TRIM7: variants seen among roughly 807,000 people sequenced by gnomAD.
TRIM7 encodes the protein E3 ubiquitin-protein ligase TRIM7.
Under a neutral mutation model 37.9 loss-of-function variants are expected in TRIM7, and 32 were observed. The observed-to-expected ratio is 0.84, with a 90% CI of 0.64 to 1.13. The LOEUF (loss-of-function observed/expected upper bound fraction) is 1.13, where lower values mean the gene tolerates loss of function less well. TRIM7 is among the 50% of genes most tolerant of loss of function. TRIM7 has a pLI of 0.00. For synonymous variants in TRIM7, 351 were observed against 321.3 expected, an observed-to-expected ratio of 1.09 and a Z score of -0.99; for missense variants, 732 against 714.0, an observed-to-expected ratio of 1.03 and a Z score of -0.29.
At position 181,204,992 on chromosome 5, in the gene TRIM7, A is replaced by C; in HGVS notation, c.119T>G (p.Val40Gly). The change falls in exon 1 of 7, where the codon GTG (valine) becomes GGG (glycine). Residue 40 changes from valine (V) to glycine (G), a missense_variant. Physicochemically the swap from Val to Gly is moderately radical, Grantham distance 109 (BLOSUM62 -3). Transcript: ENST00000274773. ...GAAGCTGTGGCCGCACTCGACGGAC[A>C]CCGGCTCACGAAAGAGCTCTAGGCA... ...SICLELFREP[V>G]SVECGHSFCR... is the part of the protein sequence containing the mutation. 1 of 1,487,410 alleles carries C rather than the reference A, an allele frequency of 6.7e-7. No individual in the cohort carries two copies. Among genetic ancestry groups the C allele is most frequent in the South Asian group, 1.3e-5 (1 of 78,778 alleles). 92.1% of individuals were successfully genotyped at this position (1,487,410 alleles called of 1,614,324 possible). A position where few individuals can be genotyped will look rare whatever the true frequency, so the allele number is the denominator to read the frequency against.
Position 181,205,127 on chromosome 5 carries a change from C to T in TRIM7, c.-17G>A. 7.7e-7 allele frequency: 1 copy of T among 1,297,328 alleles called. No individual in the cohort carries two copies. Among genetic ancestry groups the T allele is most frequent in the Non-Finnish European group, 9.8e-7 (1 of 1,023,152 alleles). 80.4% of individuals were successfully genotyped at this position (1,297,328 alleles called of 1,614,324 possible). A position where few individuals can be genotyped will look rare whatever the true frequency, so the allele number is the denominator to read the frequency against. On this transcript the variant is annotated 5_prime_UTR_variant, in exon 1 of 7. The change creates a new upstream start codon in the 5' untranslated region. Coordinates refer to ENST00000274773, the MANE Select transcript of TRIM7 (RefSeq NM_203293.3). The stretch of plus-strand genomic sequence containing the variant: ...AGCCGCCATGCGCGCTCTCCGCGCA[C>T]CCAGATCTGGTCGCGCCTGGGCGGC...
chr5:181,195,769 C>T (rs1165205132), intron 6 of TRIM7, 92 bp from the exon 7 acceptor site: 23 of 1,456,100 alleles, frequency 1.6e-5, no homozygotes, highest in African/African-American at 2.9e-5. Flanking sequence ...TTGCAACCTG[C>T]CTGCCTTTCC....
In TRIM7 at chr5:181,199,086, G is replaced by A; in HGVS notation, c.872+9C>T. 1 of 1,614,234 alleles carries A rather than the reference G, an allele frequency of 6.2e-7. No homozygotes were observed. Among genetic ancestry groups the A allele is most frequent in the South Asian group, 1.1e-5 (1 of 91,084 alleles). Reference sequence around the variant, plus strand: ...TTAGAGAGGCCCCAGGAGCTGTGAGGTCACTCACCTGCTCAGCGTGCTTTT... The same window carrying A: ...TTAGAGAGGCCCCAGGAGCTGTGAGATCACTCACCTGCTCAGCGTGCTTTT... On this transcript the variant is annotated intron_variant, in intron 4 of 6. Transcript: ENST00000274773.
At chr5:181,200,967 C>T (rs987018762) in intron 2 of TRIM7, 2 of 976,668 alleles carry the variant, frequency 2.0e-6, no homozygotes, top group African/African-American at 1.8e-5. Flanking sequence ...ACTCCCTCAA[C>T]CCTGACGGCA....
rs768037758 is a variant in TRIM7, at chr5:181,198,809, C to T, written c.873-4G>A. On this transcript the variant is annotated splice_polypyrimidine_tract_variant and splice_region_variant and intron_variant, in intron 4 of 6. Transcript: ENST00000274773. ...GGGGCCAGGCACATTGCTACACCTG[C>T]AGGACAAGGGCTCTGAGAAGGGCCT... The T allele has an allele frequency of 1.3e-5, 21 of 1,606,890 alleles. 2 individuals are homozygous for T. In the South Asian group the frequency reaches 2.3e-4, roughly 18 times the overall value.
Position 181,204,768 on chromosome 5 carries a change from C to T in TRIM7, c.343G>A (p.Glu115Lys). 2 of 1,439,560 alleles carry T rather than the reference C, an allele frequency of 1.4e-6. No individual in the cohort carries two copies. Among genetic ancestry groups the T allele is most frequent in the East Asian group, 3.0e-5 (1 of 33,032 alleles). 89.2% of individuals were successfully genotyped at this position (1,439,560 alleles called of 1,614,324 possible). Residue 115 changes from glutamate to lysine, a missense_variant, in exon 1 of 7, where the codon GAG becomes AAG. By Grantham distance (56) the Glu-to-Lys change is moderately conservative (BLOSUM62 1). Transcript: ENST00000274773. ...RFSLPAAAPGEHGSQAAAARA... is the reference protein window; with the variant it reads ...RFSLPAAAPGKHGSQAAAARA... ...GCCGCGGCCGCCTGAGACCCGTGCT[C>T]TCCCGGGGCAGCCGCGGGCAGGCTG... is the stretch of plus-strand genomic sequence containing the variant.
In TRIM7 at chr5:181,199,598, A is replaced by G. The variant is rs1479475210; in HGVS notation, c.849+253T>C. On this transcript the variant is annotated intron_variant, in intron 3 of 6. Transcript: ENST00000274773. ...GTGCATACGTGTAGCAAAGGTGAGT[A>G]TTATTTTCTGAGACTTTTGTCTCAA... The G allele has an allele frequency of 1.9e-5, 11 of 585,342 alleles. No homozygotes were observed. In the Admixed American group the frequency reaches 2.1e-4, roughly 11 times the overall value. 36.3% of individuals were successfully genotyped at this position (585,342 alleles called of 1,614,324 possible). A position where few individuals can be genotyped will look rare whatever the true frequency, so the allele number is the denominator to read the frequency against.
intron 5 of TRIM7, 95 bp downstream of exon 5, chr5:181,198,595 C>T (rs1440899890): frequency 1.2e-6 from 1 of 869,040 alleles, no homozygotes; most frequent in East Asian, 2.5e-5. Flanking sequence ...TTTTCACACA[C>T]AGCTTCTGGA....
chr5:181,200,598 A>C, intron 2 of TRIM7: 1 of 1,002,970 alleles, frequency 1.0e-6, no homozygotes, highest in Non-Finnish European at 1.2e-6. Flanking sequence ...GGAAAGTAGA[A>C]AGAAGGAAGA....
chr5:181,195,546 C>T lies in TRIM7; in HGVS notation c.1156G>A (p.Val386Ile). ...HPCRFDTNTR[V>I]LASCGFSSGR... Reference sequence around the variant, plus strand: ...GAGGAGAAGCCGCAGGACGCCAGGACGCGGGTGTTGGTGTCGAAGCGGCAG... The same window carrying T: ...GAGGAGAAGCCGCAGGACGCCAGGATGCGGGTGTTGGTGTCGAAGCGGCAG... Residue 386 changes from valine (V) to isoleucine (I), a missense_variant, in exon 7 of 7, where the codon GTC becomes ATC. Val to Ile is a conservative substitution (Grantham distance 29, BLOSUM62 3). Transcript: ENST00000274773. The T allele has an allele frequency of 6.2e-7, 1 of 1,611,966 alleles. No homozygotes were observed. Among genetic ancestry groups the T allele is most frequent in the Non-Finnish European group, 8.5e-7 (1 of 1,178,830 alleles).
intron 2 of TRIM7, among the ~76,000 whole-genome samples, chr5:181,201,833 T>C (rs1295984483): frequency 6.6e-6 from 1 of 152,156 alleles, no homozygotes; most frequent in Non-Finnish European, 1.5e-5. Flanking sequence ...GGGACTCCGG[T>C]CAGAGACTGT....
rs978137312 is a variant in TRIM7 at position 181,204,993 on chromosome 5, C to G, written c.118G>C (p.Val40Leu). Reference protein sequence around the residue: ...SICLELFREPVSVECGHSFCR... With the variant: ...SICLELFREPLSVECGHSFCR... The stretch of plus-strand genomic sequence containing the variant: ...AAGCTGTGGCCGCACTCGACGGACA[C>G]CGGCTCACGAAAGAGCTCTAGGCAG... Residue 40 changes from valine to leucine, a missense_variant, in exon 1 of 7, where the codon GTG (valine) becomes CTG (leucine). Coordinates refer to ENST00000274773, the MANE Select transcript of TRIM7 (RefSeq NM_203293.3). The G allele has an allele frequency of 4.7e-6, 7 of 1,487,214 alleles. No individual in the cohort carries two copies. In the Admixed American group the frequency reaches 7.0e-5, roughly 15 times the overall value. 92.1% of individuals were successfully genotyped at this position (1,487,214 alleles called of 1,614,324 possible). A position where few individuals can be genotyped will look rare whatever the true frequency, so the allele number is the denominator to read the frequency against.
At chr5:181,199,777 T>G in intron 3 of TRIM7, 74 bp downstream of exon 3, 1 of 1,505,296 alleles carries the variant, frequency 6.6e-7, no homozygotes. Context: ...CCCCCAGGAC[T>G]GACACTGTTC....
At chr5:181,201,173 T>C (rs77596726) in intron 2 of TRIM7, among the ~76,000 whole-genome samples, 6,122 of 152,326 alleles carry the variant, frequency 0.04, 167 homozygotes, top group South Asian at 0.11. Flanking sequence ...TTGGGCCAGA[T>C]ACTTCTTGGT....
chr5:181,203,973 G>C, intron 1 of TRIM7: 1 of 1,083,162 alleles, frequency 9.2e-7, no homozygotes, highest in Non-Finnish European at 1.1e-6. Context: ...AGGAGAGACT[G>C]GGGACTGCCG....
rs758544757 is a variant in TRIM7, at chr5:181,204,973, G to A, written c.138C>T (p.His46=). ...FREPVSVECG[H]SFCRACIGRC... is the part of the protein sequence containing the mutation. ...GCCCTATGCAGGCGCGGCAGAAGCT[G>A]TGGCCGCACTCGACGGACACCGGCT... The change falls in exon 1 of 7, where the codon CAC becomes CAT. Residue 46 remains histidine (H), a synonymous_variant. Coordinates refer to ENST00000274773, the MANE Select transcript of TRIM7 (RefSeq NM_203293.3). The A allele has an allele frequency of 7.4e-6, 11 of 1,483,780 alleles. No individual in the cohort carries two copies. The highest frequency in any genetic ancestry group is 9.8e-6 in the Non-Finnish European group (11 of 1,125,494). The allele number at this position is 1,483,780 out of a possible 1,614,324, so 91.9% of individuals were successfully genotyped here. A position where few individuals can be genotyped will look rare whatever the true frequency, so the allele number is the denominator to read the frequency against.
rs1045469683 is a variant in TRIM7, at chr5:181,194,990, C to T, written c.*176G>A. On this transcript the variant is annotated 3_prime_UTR_variant, in exon 7 of 7. Transcript: ENST00000274773. The stretch of plus-strand genomic sequence containing the variant: ...CTCAGGAGTCCAAAGCCCCTGTTCC[C>T]CTGCTCGGTTGGCCACAGTCACTCT... 9 of 721,020 alleles carry T rather than the reference C, an allele frequency of 1.2e-5. No individual in the cohort carries two copies. Among genetic ancestry groups the T allele is most frequent in the Non-Finnish European group, 2.0e-5 (9 of 449,464 alleles). The allele number at this position is 721,020 out of a possible 1,614,324, so 44.7% of individuals were successfully genotyped here. A position where few individuals can be genotyped will look rare whatever the true frequency, so the allele number is the denominator to read the frequency against.
intron 4 of TRIM7, 90 bp downstream of exon 4, chr5:181,199,004 TG>T (rs1291312185): frequency 8.5e-5 from 130 of 1,533,016 alleles, no homozygotes; most frequent in Non-Finnish European, 1.1e-4. Flanking sequence ...GATCAGGAGG[TG>T]AGAGGTCAGG....
chr5:181,203,640 C>T lies in TRIM7; in HGVS notation c.523G>A (p.Glu175Lys), dbSNP rs1757644867. The T allele has an allele frequency of 1.2e-6, 2 of 1,608,318 alleles. No individual in the cohort carries two copies. The highest frequency in any genetic ancestry group is 3.4e-5 in the Admixed American group (2 of 58,240). ...PLDEAVQEAK[E>K]LLESRLRVLK... ...ACCCTCAGCCTGGACTCCAAGAGCTCCTGTAGATGAAGGGAAACAATGTAA... is the reference window on the plus strand; with the variant it reads ...ACCCTCAGCCTGGACTCCAAGAGCTTCTGTAGATGAAGGGAAACAATGTAA... The change falls in exon 2 of 7, where the codon GAG becomes AAG. Residue 175 changes from glutamate to lysine, a missense_variant and splice_region_variant. Transcript: ENST00000274773.
Sources: gnomAD v4.1 joint callset for allele counts (sites outside exome capture counted in the v4.1 genomes callset) on GRCh38, gnomAD v4.1.1 for gene constraint, MANE v1.5 for transcripts, NCBI Gene and HGNC (gene_info 2026-07-23, HGNC 2026-07-21) for gene names.